Variants in FILIP1L observed in about 807,000 individuals in gnomAD.
FILIP1L encodes filamin A-interacting protein 1-like.
FILIP1L carries 55 observed loss-of-function variants against 96.6 expected under a neutral mutation model. That is an observed-to-expected ratio of 0.57 (90% CI 0.46 to 0.71). The LOEUF (loss-of-function observed/expected upper bound fraction) is 0.71, where lower values mean the gene tolerates loss of function less well. Among genes scored for constraint, FILIP1L ranks in the 30% least tolerant of loss-of-function variants. FILIP1L has a pLI of 0.00. For synonymous variants in FILIP1L, 467 were observed against 473.9 expected, an observed-to-expected ratio of 0.99 and a Z score of 0.19; for missense variants, 1,304 against 1,321.2, an observed-to-expected ratio of 0.99 and a Z score of 0.20.
chr3:100,065,971 G>T (rs2065656558), intron 1 of FILIP1L, among the ~76,000 whole-genome samples: 1 of 152,196 alleles, frequency 6.6e-6, no homozygotes, highest in South Asian at 2.1e-4. Flanking sequence ...TTCTGAATCA[G>T]AAACTCTGGG....
At chr3:99,905,554 A>C (rs1706587681) in intron 4 of FILIP1L, among the ~76,000 whole-genome samples, 1 of 152,152 alleles carries the variant, frequency 6.6e-6, no homozygotes, top group East Asian at 1.9e-4. Context: ...TTGAGGTATA[A>C]TTTATTTTTA....
At position 99,830,358 on chromosome 3, in the gene FILIP1L, T is replaced by A. The variant is rs1220560710; in HGVS notation, c.*56A>T. 6 of 364,994 alleles carry A rather than the reference T, an allele frequency of 1.6e-5. No individual in the cohort carries two copies. Among genetic ancestry groups the A allele is most frequent in the Non-Finnish European group, 3.3e-5 (6 of 181,674 alleles). The allele number at this position is 364,994 out of a possible 1,614,324, so 22.6% of individuals were successfully genotyped here. ...CCTTTGGCCTTTCATAGTGGTAATT[T>A]TAGCTTTCCACATATTTCTGTAGAT... On this transcript the variant is annotated 3_prime_UTR_variant, in exon 6 of 6. Transcript: ENST00000477258.
intron 5 of FILIP1L, among the ~76,000 whole-genome samples, chr3:99,847,738 A>G (rs1046254882): frequency 6.6e-6 from 1 of 152,190 alleles, no homozygotes; most frequent in African/African-American, 2.4e-5. Context: ...AATCAAAGAG[A>G]TGTAATTTTT....
chr3:100,049,916 C>A lies in FILIP1L; in HGVS notation c.-11+64137G>T, dbSNP rs767989268. Among the ~76,000 whole-genome samples the A allele has an allele frequency of 8.8e-4, 134 of 152,128 alleles. 1 individual carries two copies. Among genetic ancestry groups the A allele is most frequent in the Admixed American group, 6.5e-4 (10 of 15,270 alleles). ...ACTAGTAGTTAAGTTTGGGGGGAGTCAAAAGTTATATGCGATTTTCAACTG... is the reference window on the plus strand; with the variant it reads ...ACTAGTAGTTAAGTTTGGGGGGAGTAAAAAGTTATATGCGATTTTCAACTG... On this transcript the variant is annotated intron_variant, in intron 1 of 5. Coordinates refer to ENST00000477258, the MANE Select transcript of FILIP1L (RefSeq NM_001387850.1).
chr3:99,853,119 GCTT>G (rs527801661), intron 4 of FILIP1L, among the ~76,000 whole-genome samples: 93 of 152,310 alleles, frequency 6.1e-4, no homozygotes, highest in Non-Finnish European at 1.1e-3. Context: ...AAGCATAGCA[GCTT>G]CTTCTCAAAT....
intron 1 of FILIP1L, among the ~76,000 whole-genome samples, chr3:100,102,560 A>C (rs1440408115): frequency 6.6e-6 from 1 of 152,020 alleles, no homozygotes; most frequent in Admixed American, 6.6e-5. Flanking sequence ...TTTATATTCC[A>C]TATTGTTTTA....
At chr3:99,918,025 T>A (rs1645050324) in intron 4 of FILIP1L, among the ~76,000 whole-genome samples, 1 of 152,226 alleles carries the variant, frequency 6.6e-6, no homozygotes, top group South Asian at 2.1e-4. Flanking sequence ...TTGCCCAGGC[T>A]GGAGTGCAGT....
At chr3:99,877,426 C>T in intron 4 of FILIP1L, among the ~76,000 whole-genome samples, 1 of 152,108 alleles carries the variant, frequency 6.6e-6, no homozygotes. Flanking sequence ...AATAAAGATG[C>T]AGGGCACAAC....
intron 1 of FILIP1L, among the ~76,000 whole-genome samples, chr3:99,948,194 G>T (rs1216444229): frequency 6.6e-6 from 1 of 152,096 alleles, no homozygotes; most frequent in Admixed American, 6.5e-5. Flanking sequence ...ACATTGCATG[G>T]TATAGGACAT....
rs767739889 is a variant in FILIP1L at position 99,849,978 on chromosome 3, A to G, written c.1698T>C (p.Asp566=). 5 of 1,612,490 alleles carry G rather than the reference A, an allele frequency of 3.1e-6. No homozygotes were observed. The highest frequency in any genetic ancestry group is 1.1e-5 in the South Asian group (1 of 90,436). The part of the protein sequence containing the change: ...KMYSVTKERD[D]LKNKLKAEEE... ...CTTCCGCTTTCAATTTGTTTTTTAA[A>G]TCATCTCTCTCCTTGGTTACGCTGT... The change falls in exon 5 of 6, where the codon GAT becomes GAC. Residue 566 remains aspartate (D), a synonymous_variant. Transcript: ENST00000477258.
chr3:99,848,658 A>G lies in FILIP1L; in HGVS notation c.3018T>C (p.Ala1006=). Residue 1006 remains alanine (A), a synonymous_variant, in exon 5 of 6, where the codon GCT becomes GCC. Transcript: ENST00000477258. ...ERTMSPIQVL[A]VTGSASSPEQ... ...CAGGAGAGCTAGCTGAACCAGTCACAGCCAAAACCTGAATAGGGGACATTG... is the reference window on the plus strand; with the variant it reads ...CAGGAGAGCTAGCTGAACCAGTCACGGCCAAAACCTGAATAGGGGACATTG... 6.2e-7 allele frequency: 1 copy of G among 1,614,216 alleles called. No homozygotes were observed. The highest frequency in any genetic ancestry group is 8.5e-7 in the Non-Finnish European group (1 of 1,180,034).
intron 1 of FILIP1L, among the ~76,000 whole-genome samples, chr3:100,084,678 T>TA (rs1427958576): frequency 1.3e-5 from 2 of 152,214 alleles, no homozygotes; most frequent in Non-Finnish European, 1.5e-5. Flanking sequence ...AATTGTCACT[T>TA]ACGTATAAAC....
chr3:99,847,786 T>A (rs979609097), intron 5 of FILIP1L: 2 of 202,340 alleles, frequency 9.9e-6, no homozygotes, highest in Non-Finnish European at 1.8e-5. Context: ...TAATATGTGA[T>A]TAGAAGTTGA....
intron 1 of FILIP1L, among the ~76,000 whole-genome samples, chr3:99,980,904 A>G (rs927143773): frequency 6.6e-6 from 1 of 152,162 alleles, no homozygotes; most frequent in Non-Finnish European, 1.5e-5. Context: ...TGAATCGGGT[A>G]CTTGAAACCC....
chr3:99,920,748 G>A (rs1707100012), intron 4 of FILIP1L, among the ~76,000 whole-genome samples: 1 of 152,170 alleles, frequency 6.6e-6, no homozygotes, highest in South Asian at 2.1e-4. Context: ...AGCTCAATGT[G>A]TGACATCAGT....
At chr3:99,861,576 C>A (rs777182081) in intron 4 of FILIP1L, among the ~76,000 whole-genome samples, 1 of 152,134 alleles carries the variant, frequency 6.6e-6, no homozygotes, top group African/African-American at 2.4e-5. Flanking sequence ...CTGTGATCTG[C>A]GTTCTTCTGT....
At chr3:100,045,952 G>A (rs912479081) in intron 1 of FILIP1L, among the ~76,000 whole-genome samples, 46 of 152,130 alleles carry the variant, frequency 3.0e-4, no homozygotes, top group Admixed American at 9.2e-4. Flanking sequence ...GGGTGGATGA[G>A]AGAAGGGAAG....
chr3:100,059,202 G>A (rs2065516955), intron 1 of FILIP1L, among the ~76,000 whole-genome samples: 1 of 152,200 alleles, frequency 6.6e-6, no homozygotes. Flanking sequence ...GATACTCTAG[G>A]TTGTTTCTGT....
At position 99,930,866 on chromosome 3, in the gene FILIP1L, T is replaced by C; in HGVS notation, c.155A>G (p.Lys52Arg). The change falls in exon 2 of 6, where the codon AAG becomes AGG. Residue 52 changes from lysine (K) to arginine (R), a missense_variant. By Grantham distance (26) the Lys-to-Arg change is conservative. Transcript: ENST00000477258. ...ATTACCACTGTGTGGCTTCTCTGCC[T>C]TGGGACACGGAAGTATTACATCCGA... ...SESDVILPCP[K>R]AEKPHSGNGH... is the part of the protein sequence containing the mutation. 1 of 1,613,144 alleles carries C rather than the reference T, an allele frequency of 6.2e-7. No individual in the cohort carries two copies. The highest frequency in any genetic ancestry group is 8.5e-7 in the Non-Finnish European group (1 of 1,179,762).
Sources: gnomAD v4.1 joint callset for allele counts (sites outside exome capture counted in the v4.1 genomes callset) on GRCh38, gnomAD v4.1.1 for gene constraint, MANE v1.5 for transcripts, NCBI Gene and HGNC (gene_info 2026-07-23, HGNC 2026-07-21) for gene names.